The following SIRT4 variants were observed in gnomAD, a reference collection of about 807,000 sequenced individuals.
The protein encoded by SIRT4 is NAD-dependent protein lipoamidase sirtuin-4, mitochondrial.
A neutral mutation model predicts 26.1 loss-of-function variants in SIRT4; 23 were observed. The observed-to-expected ratio is 0.88, with a 90% CI of 0.63 to 1.25. SIRT4 has a LOEUF of 1.25. Among genes scored for constraint, SIRT4 ranks in the 50% most tolerant of loss-of-function variants. The pLI is 0.00. For missense variants in SIRT4, 361 were observed against 405.4 expected, an observed-to-expected ratio of 0.89 and a Z score of 0.94; for synonymous variants, 155 against 158.4, an observed-to-expected ratio of 0.98 and a Z score of 0.16.
chr12:120,296,353 G>C, the SIRT4 span, among the ~76,000 whole-genome samples: 1 of 151,638 alleles, frequency 6.6e-6, no homozygotes, highest in Admixed American at 6.6e-5. Flanking sequence ...GAGTAGCTGG[G>C]ACTACAGGCG....
chr12:120,308,026 T>A lies in SIRT4; in HGVS notation c.497+3968T>A, dbSNP rs879447311. ...TGAGAAAGCTTTTTAAAAAAAAAAT[T>A]TTTTTTTTTAAATAGAGACAGGATC... is the stretch of plus-strand genomic sequence containing the variant. On this transcript the variant is annotated intron_variant, in intron 2 of 3. Transcript: ENST00000202967. Among the ~76,000 whole-genome samples the A allele has an allele frequency of 2.9e-4, 39 of 132,674 alleles. No individual in the cohort carries two copies. In the Admixed American group the frequency reaches 3.4e-3, roughly 12 times the overall value. The allele number at this position is 132,674 out of a possible 152,430, so 87.0% of individuals were successfully genotyped here. A position where few individuals can be genotyped will look rare whatever the true frequency, so the allele number is the denominator to read the frequency against.
the SIRT4 span, chr12:120,292,991 T>A: frequency 3.3e-5 from 5 of 152,118 alleles, no homozygotes; most frequent in African/African-American, 1.2e-4. Context: ...CACTTCCCCA[T>A]CTCTCATTTA....
At chr12:120,292,189 G>A in the SIRT4 span, among the ~76,000 whole-genome samples, 1 of 152,206 alleles carries the variant, frequency 6.6e-6, no homozygotes, top group African/African-American at 2.4e-5. Context: ...CGAGGAGAGT[G>A]AGCAGTGGGA....
chr12:120,291,996 T>C, the SIRT4 span: 1 of 152,138 alleles, frequency 6.6e-6, no homozygotes, highest in African/African-American at 2.4e-5. Context: ...GTATACGACG[T>C]GTTCCCACTC....
chr12:120,303,422 C>T (rs1032915674), intron 1 of SIRT4, 139 bp from the exon 2 acceptor site: 9 of 978,422 alleles, frequency 9.2e-6, no homozygotes, highest in African/African-American at 5.0e-5. Context: ...TTACAGTGAG[C>T]CAAGATCATG....
intron 1 of SIRT4, among the ~76,000 whole-genome samples, chr12:120,303,318 A>T: frequency 6.6e-6 from 1 of 151,466 alleles, no homozygotes; most frequent in East Asian, 2.0e-4. Context: ...TGCCTCTACT[A>T]AAAATACAAT....
chr12:120,304,103 T>A, intron 2 of SIRT4, 45 bp downstream of exon 2: 1 of 1,584,834 alleles, frequency 6.3e-7, no homozygotes, highest in Non-Finnish European at 8.5e-7. Flanking sequence ...GTGTGTTGTT[T>A]TGGGAGAGTA....
chr12:120,303,286 C>G (rs1872611007), intron 1 of SIRT4, among the ~76,000 whole-genome samples: 1 of 151,552 alleles, frequency 6.6e-6, no homozygotes, highest in Non-Finnish European at 1.5e-5. Flanking sequence ...TCGAGACTAG[C>G]CTGGCCAACA....
chr12:120,312,419 G>A (rs1400307854), intron 2 of SIRT4, 37 bp from the exon 3 acceptor site: 3 of 1,564,660 alleles, frequency 1.9e-6, no homozygotes, highest in East Asian at 2.2e-5. Flanking sequence ...TGCCTCCCAA[G>A]GGCATACTGT....
chr12:120,293,187 T>A, the SIRT4 span: 1 of 152,160 alleles, frequency 6.6e-6, no homozygotes, highest in East Asian at 1.9e-4. Flanking sequence ...TTAGCAATAA[T>A]CGCGCCTCGG....
chr12:120,302,529 G>C (rs1872582610), intron 1 of SIRT4, among the ~76,000 whole-genome samples, 151 bp downstream of exon 1: 1 of 151,950 alleles, frequency 6.6e-6, no homozygotes, highest in South Asian at 2.1e-4. Context: ...CTGACCCTTT[G>C]GTCTCGGGAA....
At chr12:120,293,284 AT>A in the SIRT4 span, 3 of 152,306 alleles carry the variant, frequency 2.0e-5, no homozygotes, top group East Asian at 1.9e-4. Flanking sequence ...CCAGCTTCCT[AT>A]TTCGCAAAGG....
chr12:120,301,868 G>A (rs1592894484), upstream of SIRT4, among the ~76,000 whole-genome samples: 1 of 152,118 alleles, frequency 6.6e-6, no homozygotes, highest in African/African-American at 2.4e-5. Context: ...GAGGTTAGGA[G>A]TTCAAGACGA....
chr12:120,304,518 CA>C (rs1459103332), intron 2 of SIRT4, among the ~76,000 whole-genome samples: 1 of 151,710 alleles, frequency 6.6e-6, no homozygotes, highest in Non-Finnish European at 1.5e-5. Flanking sequence ...GTCGTGGTGG[CA>C]CATGCCTGTA....
At chr12:120,295,963 T>C in the SIRT4 span, among the ~76,000 whole-genome samples, 2 of 150,916 alleles carry the variant, frequency 1.3e-5, no homozygotes, top group Non-Finnish European at 2.9e-5. Context: ...GGCGCTTGCC[T>C]GTAATCCCAG....
chr12:120,291,806 C>A, the SIRT4 span: 1 of 152,184 alleles, frequency 6.6e-6, no homozygotes, highest in African/African-American at 2.4e-5. Flanking sequence ...GACTATATTT[C>A]AAGTCGTCAT....
chr12:120,293,753 G>C, the SIRT4 span, among the ~76,000 whole-genome samples: 3 of 152,018 alleles, frequency 2.0e-5, no homozygotes, highest in African/African-American at 7.2e-5. Flanking sequence ...TGGAAACTGA[G>C]ACTCTGTACC....
upstream of SIRT4, among the ~76,000 whole-genome samples, chr12:120,298,085 A>G (rs1054549738): frequency 3.2e-4 from 47 of 148,116 alleles, no homozygotes; most frequent in African/African-American, 1.1e-3. Flanking sequence ...AATCCCAGAT[A>G]CTGGGGAGGC....
chr12:120,308,959 C>T (rs1592900280), intron 2 of SIRT4, among the ~76,000 whole-genome samples: 1 of 151,838 alleles, frequency 6.6e-6, no homozygotes, highest in Admixed American at 6.6e-5. Flanking sequence ...AACCTGAGGT[C>T]GGGAGTCAAG....
Sources: allele counts gnomAD v4.1 joint callset (sites outside exome capture counted in the v4.1 genomes callset), GRCh38; gene constraint gnomAD v4.1.1; transcripts MANE v1.5; gene names NCBI Gene and HGNC (gene_info 2026-07-23, HGNC 2026-07-21).